CSMD1: variants seen among roughly 807,000 people sequenced by gnomAD.
CSMD1 encodes CUB and sushi domain-containing protein 1.
In CSMD1, 213 loss-of-function variants were observed where a neutral mutation model predicts 417.5. The observed-to-expected ratio is 0.51, with a 90% CI of 0.46 to 0.57. The LOEUF is 0.57. CSMD1 is among the 20% of genes least tolerant of loss of function. CSMD1 has a pLI of 0.00. For missense variants in CSMD1, 6,923 were observed against 4,529.7 expected (o/e 1.53, Z -15.17); for synonymous variants, 2,862 against 1,736.8 (o/e 1.65, Z -16.11).
Position 3,990,248 on chromosome 8 carries a change from A to G in CSMD1, c.818+7655T>C, listed in dbSNP as rs1287955657. Among the ~76,000 whole-genome samples, 4 of 152,320 alleles carry G rather than the reference A, an allele frequency of 2.6e-5. No individual in the cohort carries two copies. The East Asian group carries it at 7.7e-4, about 29-fold the overall frequency. On this transcript the variant is annotated intron_variant, in intron 5 of 69. Transcript: ENST00000635120. The stretch of plus-strand genomic sequence containing the variant: ...TTGATGAAATACATTTTAATCCATA[A>G]AAGACTTCTTTTTTCATTGCCTACA...
At chr8:3,325,368 C>T (rs156069) in intron 23 of CSMD1, among the ~76,000 whole-genome samples, 150,190 of 152,364 alleles carry the variant, frequency 0.99, 74,053 homozygotes, top group Middle Eastern at 1. Flanking sequence ...TTTGATGATA[C>T]CATCTGTTGG....
At chr8:3,687,873 T>C (rs1438930688) in intron 7 of CSMD1, among the ~76,000 whole-genome samples, 1 of 152,152 alleles carries the variant, frequency 6.6e-6, no homozygotes, top group East Asian at 1.9e-4. Flanking sequence ...AGGACCAGAG[T>C]CCGTACTGAT....
At chr8:4,193,245 G>A (rs1207514687) in intron 3 of CSMD1, among the ~76,000 whole-genome samples, 6 of 152,110 alleles carry the variant, frequency 3.9e-5, no homozygotes, top group African/African-American at 7.2e-5. Context: ...AAACCTTAAC[G>A]ACAGGGTATT....
intron 2 of CSMD1, among the ~76,000 whole-genome samples, chr8:4,582,243 G>C (rs1384608861): frequency 1.3e-5 from 2 of 152,070 alleles, no homozygotes; most frequent in African/African-American, 2.4e-5. Context: ...TAATAATAAA[G>C]GGCTGACCTA....
chr8:4,222,813 T>C lies in CSMD1; in HGVS notation c.416-190714A>G, dbSNP rs867992239. 1.9e-4 allele frequency among the ~76,000 whole-genome samples: 29 copies of C among 152,224 alleles called. No individual in the cohort carries two copies. In the South Asian group the frequency reaches 2.3e-3, roughly 12 times the overall value. On this transcript the variant is annotated intron_variant, in intron 3 of 69. Transcript: ENST00000635120. Reference sequence around the variant, plus strand: ...AGGGCTGGTTGAGCTGACCTGAGGATTTTGCCAGACTAAGAGTCGCTGAAA... The same window carrying C: ...AGGGCTGGTTGAGCTGACCTGAGGACTTTGCCAGACTAAGAGTCGCTGAAA...
intron 3 of CSMD1, among the ~76,000 whole-genome samples, chr8:4,321,387 GAA>G (rs1322342996): frequency 6.6e-6 from 1 of 152,106 alleles, no homozygotes; most frequent in Non-Finnish European, 1.5e-5. Flanking sequence ...GGAGCAATCA[GAA>G]GAGTTTTTTT....
intron 4 of CSMD1, among the ~76,000 whole-genome samples, chr8:4,022,760 A>C (rs778709434): frequency 1.3e-5 from 2 of 152,210 alleles, no homozygotes; most frequent in African/African-American, 4.8e-5. Context: ...AAACTTTGGG[A>C]ATCAGAGAAA....
At chr8:4,249,202 G>A (rs938672785) in intron 3 of CSMD1, among the ~76,000 whole-genome samples, 1 of 152,146 alleles carries the variant, frequency 6.6e-6, no homozygotes, top group Non-Finnish European at 1.5e-5. Context: ...GTGTCACCAG[G>A]AGATTAGGAG....
chr8:4,426,038 T>C (rs1026434588), intron 2 of CSMD1, among the ~76,000 whole-genome samples: 4 of 151,740 alleles, frequency 2.6e-5, no homozygotes, highest in African/African-American at 9.7e-5. Context: ...CTCCAAGGGA[T>C]TATGAAATTT....
At chr8:4,621,375 G>T (rs983275816) in intron 2 of CSMD1, among the ~76,000 whole-genome samples, 1 of 151,996 alleles carries the variant, frequency 6.6e-6, no homozygotes, top group Non-Finnish European at 1.5e-5. Flanking sequence ...TTGGATTTTG[G>T]AACATTTGGG....
At position 3,251,618 on chromosome 8, in the gene CSMD1, G is replaced by C. The variant is rs570840066; in HGVS notation, c.4154-21387C>G. ...CTGTGAAGAAAGTCATTGGTAGCTTGATGGGGATGGCTTTGAATCTATCAA... is the reference window on the plus strand; with the variant it reads ...CTGTGAAGAAAGTCATTGGTAGCTTCATGGGGATGGCTTTGAATCTATCAA... On this transcript the variant is annotated intron_variant, in intron 26 of 69. Coordinates refer to ENST00000635120, the MANE Select transcript of CSMD1 (RefSeq NM_033225.6). 9.2e-5 allele frequency among the ~76,000 whole-genome samples: 14 copies of C among 152,296 alleles called. No homozygotes were observed. The East Asian group carries it at 2.7e-3, about 29-fold the overall frequency.
chr8:4,446,428 G>T (rs911761904), intron 2 of CSMD1, among the ~76,000 whole-genome samples: 2 of 152,096 alleles, frequency 1.3e-5, no homozygotes, highest in Non-Finnish European at 2.9e-5. Flanking sequence ...CACACCTGTA[G>T]TCCCCGCTAC....
At chr8:4,288,221 G>C (rs999887797) in intron 3 of CSMD1, among the ~76,000 whole-genome samples, 2 of 152,086 alleles carry the variant, frequency 1.3e-5, no homozygotes, top group African/African-American at 2.4e-5. Flanking sequence ...CGTCCACTCA[G>C]GGCCTGGCAG....
At chr8:3,647,891 G>A (rs1423132912) in intron 7 of CSMD1, among the ~76,000 whole-genome samples, 1 of 152,192 alleles carries the variant, frequency 6.6e-6, no homozygotes, top group Non-Finnish European at 1.5e-5. Context: ...TGTAAGTTTG[G>A]AATTACTTCA....
chr8:4,580,456 G>C (rs139914413), intron 2 of CSMD1, among the ~76,000 whole-genome samples: 56 of 152,314 alleles, frequency 3.7e-4, no homozygotes, highest in Middle Eastern at 3.4e-3. Context: ...CACTTTACAG[G>C]TGAGAAAATT....
chr8:3,236,193 C>T (rs528983689), intron 26 of CSMD1, among the ~76,000 whole-genome samples: 1 of 152,170 alleles, frequency 6.6e-6, no homozygotes, highest in African/African-American at 2.4e-5. Flanking sequence ...GCTGGGAATA[C>T]AGGTGTGAGC....
chr8:3,540,714 G>C (rs1241836414), intron 10 of CSMD1, among the ~76,000 whole-genome samples: 1 of 152,106 alleles, frequency 6.6e-6, no homozygotes, highest in Admixed American at 6.5e-5. Flanking sequence ...CCATTAAAAA[G>C]TGAGCAAAAG....
intron 1 of CSMD1, among the ~76,000 whole-genome samples, chr8:4,777,677 G>A (rs117190092): frequency 0.01 from 1,554 of 152,234 alleles, 12 homozygotes; most frequent in East Asian, 0.049. Flanking sequence ...TTGCAGTTTT[G>A]CCGTTAAAAA....
intron 3 of CSMD1, among the ~76,000 whole-genome samples, chr8:4,101,955 AAGG>A (rs1251290075): frequency 3.9e-5 from 6 of 152,178 alleles, no homozygotes; most frequent in African/African-American, 1.4e-4. Context: ...CTAATAGAGA[AAGG>A]AGGACTCTTG....
Sources: gnomAD v4.1 joint callset for allele counts (sites outside exome capture counted in the v4.1 genomes callset) on GRCh38, gnomAD v4.1.1 for gene constraint, MANE v1.5 for transcripts, NCBI Gene and HGNC (gene_info 2026-07-23, HGNC 2026-07-21) for gene names.